Variants in PTCHD4 observed in about 807,000 individuals in gnomAD.
PTCHD4 encodes patched domain-containing protein 4.
A neutral mutation model predicts 58.1 loss-of-function variants in PTCHD4; 33 were observed. That is an observed-to-expected ratio of 0.57 (90% CI 0.43 to 0.76). The LOEUF is 0.76. PTCHD4 is among the 30% of genes least tolerant of loss of function. The pLI is 0.00. For synonymous variants in PTCHD4, 478 were observed against 409.6 expected, an observed-to-expected ratio of 1.17 and a Z score of -2.02; for missense variants, 1,058 against 1,027.1, an observed-to-expected ratio of 1.03 and a Z score of -0.41.
At chr6:47,954,910 T>A (rs1053991949) in intron 4 of PTCHD4, among the ~76,000 whole-genome samples, 1 of 152,178 alleles carries the variant, frequency 6.6e-6, no homozygotes, top group African/African-American at 2.4e-5. Flanking sequence ...CCACCCAGCT[T>A]GCTCTCGGAC....
At chr6:48,093,953 C>T (rs1426625148) in intron 1 of PTCHD4, among the ~76,000 whole-genome samples, 1 of 152,070 alleles carries the variant, frequency 6.6e-6, no homozygotes, top group African/African-American at 2.4e-5. Context: ...TTGCAAGAAA[C>T]AAGAAAATAG....
chr6:47,945,599 T>A (rs9473209), intron 4 of PTCHD4, among the ~76,000 whole-genome samples: 2,159 of 152,126 alleles, frequency 0.014, 54 homozygotes, highest in African/African-American at 0.047. Context: ...TAAGAACTGA[T>A]TTTCTTTTGT....
rs1047893060 is a variant in PTCHD4 at position 47,858,482 on chromosome 6, C to A, written c.*19821G>T. Among the ~76,000 whole-genome samples the A allele has an allele frequency of 6.6e-6, 1 of 152,028 alleles. No homozygotes were observed. Among genetic ancestry groups the A allele is most frequent in the African/African-American group, 2.4e-5 (1 of 41,448 alleles). On this transcript the variant is annotated 3_prime_UTR_variant, in exon 5 of 5. Coordinates refer to ENST00000339488, the MANE Select transcript of PTCHD4 (RefSeq NM_001384253.1). ...GTTATCACATCTCCCAAACAACTAT[C>A]ATTTATGATACTTTCAGAAGACTTT... is the stretch of plus-strand genomic sequence containing the variant.
chr6:48,097,638 T>C (rs1406561464), intron 1 of PTCHD4, among the ~76,000 whole-genome samples: 1 of 152,198 alleles, frequency 6.6e-6, no homozygotes, highest in Non-Finnish European at 1.5e-5. Flanking sequence ...CCAATTACTC[T>C]ATGTCTAGCA....
At chr6:48,056,220 T>C (rs1764399369) in intron 3 of PTCHD4, among the ~76,000 whole-genome samples, 2 of 152,202 alleles carry the variant, frequency 1.3e-5, no homozygotes, top group Non-Finnish European at 2.9e-5. Flanking sequence ...TCAAAAGCTT[T>C]ATAAAAGGCT....
chr6:47,970,906 T>C (rs1767482595), intron 4 of PTCHD4, among the ~76,000 whole-genome samples: 1 of 152,170 alleles, frequency 6.6e-6, no homozygotes, highest in South Asian at 2.1e-4. Context: ...TAACAAGACA[T>C]CCAAGTGATT....
At chr6:47,985,781 CA>C (rs1768045002) in intron 4 of PTCHD4, among the ~76,000 whole-genome samples, 1 of 151,464 alleles carries the variant, frequency 6.6e-6, no homozygotes, top group African/African-American at 2.4e-5. Flanking sequence ...ATGGAATGTG[CA>C]TTTTGAGGAA....
intron 4 of PTCHD4, among the ~76,000 whole-genome samples, chr6:47,937,805 G>C (rs915668817): frequency 3.9e-5 from 6 of 152,134 alleles, no homozygotes; most frequent in Non-Finnish European, 4.4e-5. Flanking sequence ...TGGAGACTTG[G>C]AAGAAGCAAC....
At chr6:48,110,336 A>G (rs1765839505) in intron 1 of PTCHD4, among the ~76,000 whole-genome samples, 1 of 152,156 alleles carries the variant, frequency 6.6e-6, no homozygotes, top group Non-Finnish European at 1.5e-5. Context: ...AACCTGAAGG[A>G]CACTTTGCTA....
chr6:47,998,062 T>C (rs944283340), intron 4 of PTCHD4, among the ~76,000 whole-genome samples: 3 of 152,172 alleles, frequency 2.0e-5, no homozygotes, highest in African/African-American at 7.2e-5. Context: ...CCTTGCTTGA[T>C]TCAGTACTGC....
chr6:47,898,877 G>C (rs757657558), intron 4 of PTCHD4, among the ~76,000 whole-genome samples: 15 of 152,164 alleles, frequency 9.9e-5, no homozygotes, highest in Non-Finnish European at 2.2e-4. Context: ...TTCTTTTTAG[G>C]TCCCTGCTGG....
chr6:48,036,212 G>C (rs1193381473), intron 3 of PTCHD4, among the ~76,000 whole-genome samples: 1 of 151,944 alleles, frequency 6.6e-6, no homozygotes, highest in African/African-American at 2.4e-5. Flanking sequence ...CTTAAGCGAA[G>C]AGTTTCAAGA....
At chr6:48,076,619 A>G (rs1436818546) in intron 1 of PTCHD4, among the ~76,000 whole-genome samples, 5 of 152,238 alleles carry the variant, frequency 3.3e-5, no homozygotes, top group Admixed American at 3.3e-4. Flanking sequence ...GTATGACTCC[A>G]TCAGAGCTGG....
At chr6:48,077,298 G>C (rs924561920) in intron 1 of PTCHD4, among the ~76,000 whole-genome samples, 1 of 152,218 alleles carries the variant, frequency 6.6e-6, no homozygotes, top group Non-Finnish European at 1.5e-5. Context: ...GAGTCCGCCT[G>C]TCCTTTGAAG....
rs533637665 is a variant in PTCHD4 at position 47,965,394 on chromosome 6, A to G, written c.898+43240T>C. On this transcript the variant is annotated intron_variant, in intron 4 of 4. Coordinates refer to ENST00000339488, the MANE Select transcript of PTCHD4 (RefSeq NM_001384253.1). Reference sequence around the variant, plus strand: ...TTTAAAAGCATCTGTGTATTTTTTAAAAGATCTTGAGAAACATTTCCAAAG... The same window carrying G: ...TTTAAAAGCATCTGTGTATTTTTTAGAAGATCTTGAGAAACATTTCCAAAG... Among the ~76,000 whole-genome samples, 5 of 152,328 alleles carry G rather than the reference A, an allele frequency of 3.3e-5. No individual in the cohort carries two copies. In the South Asian group the frequency reaches 1.0e-3, roughly 32 times the overall value.
At chr6:48,025,074 A>G (rs910732615) in intron 3 of PTCHD4, among the ~76,000 whole-genome samples, 1 of 152,184 alleles carries the variant, frequency 6.6e-6, no homozygotes, top group East Asian at 1.9e-4. Flanking sequence ...TATCTGTTTC[A>G]ATGCAATATT....
chr6:47,912,664 G>A (rs1765107080), intron 4 of PTCHD4, among the ~76,000 whole-genome samples: 1 of 151,888 alleles, frequency 6.6e-6, no homozygotes, highest in South Asian at 2.1e-4. Context: ...TTATTATTGG[G>A]ATCAATAATT....
At position 48,068,406 on chromosome 6, in the gene PTCHD4, C is replaced by G. The variant is rs1764875658; in HGVS notation, c.241G>C (p.Glu81Gln). 4 of 1,613,930 alleles carry G rather than the reference C, an allele frequency of 2.5e-6. No homozygotes were observed. Among genetic ancestry groups the G allele is most frequent in the South Asian group, 1.1e-5 (1 of 91,084 alleles). The change falls in exon 3 of 5, where the codon GAG (glutamate) becomes CAG (glutamine). Residue 81 changes from glutamate to glutamine, a missense_variant. Physicochemically the swap from Glu to Gln is conservative, Grantham distance 29. Transcript: ENST00000339488. The surrounding 1 kb of genome is among the most constrained non-coding windows in gnomAD (Gnocchi z 4.2). Reference sequence around the variant, plus strand: ...AAAAGGCTGCTGGCCAGGCTGCGCTCGATCTTGGCCAGGCTGTGGCTGGGA... The same window carrying G: ...AAAAGGCTGCTGGCCAGGCTGCGCTGGATCTTGGCCAGGCTGTGGCTGGGA... Reference protein sequence around the residue: ...VAPSHSLAKIERSLASSLFPL... With the variant: ...VAPSHSLAKIQRSLASSLFPL...
intron 4 of PTCHD4, among the ~76,000 whole-genome samples, chr6:47,896,197 G>T (rs1764523392): frequency 6.6e-6 from 1 of 152,180 alleles, no homozygotes; most frequent in Non-Finnish European, 1.5e-5. Flanking sequence ...TTTCTGTACT[G>T]TAGTGGGTAG....
Sources: allele counts gnomAD v4.1 joint callset (sites outside exome capture counted in the v4.1 genomes callset), GRCh38; gene constraint gnomAD v4.1.1; non-coding constraint Gnocchi (gnomAD v3.1); transcripts MANE v1.5; gene names NCBI Gene and HGNC (gene_info 2026-07-23, HGNC 2026-07-21).